The following LONRF1 variants were observed in gnomAD, a reference collection of about 807,000 sequenced individuals.
LONRF1 encodes the protein LON peptidase N-terminal domain and ring finger 1, also known as LON peptidase N-terminal domain and RING finger protein 1.
A neutral mutation model predicts 85.8 loss-of-function variants in LONRF1; 37 were observed. That is an observed-to-expected ratio of 0.43 (90% CI 0.33 to 0.57). The LOEUF (loss-of-function observed/expected upper bound fraction) is 0.57. Ranked by LOEUF, LONRF1 falls within the 20% of genes least tolerant of loss-of-function variation. The pLI, the probability that LONRF1 is intolerant of heterozygous loss-of-function variation, is 0.04. For missense variants in LONRF1, 1,036 were observed against 978.0 expected (o/e 1.06, Z -0.79); for synonymous variants, 517 against 390.1 (o/e 1.33, Z -3.83).
rs1452850863 is a variant in LONRF1 at position 12,722,824 on chromosome 8, C to A, written c.*272G>T. On this transcript the variant is annotated 3_prime_UTR_variant, in exon 12 of 12. Coordinates refer to ENST00000398246, the MANE Select transcript of LONRF1 (RefSeq NM_152271.5). ...CACTCTCTCACAGACATAAAGAGTT[C>A]TTATTTCATTTTAGAGTATGGTACA... The A allele has an allele frequency of 6.9e-6, 2 of 288,904 alleles. No homozygotes were observed. Among genetic ancestry groups the A allele is most frequent in the Non-Finnish European group, 1.3e-5 (2 of 152,988 alleles). 17.9% of individuals were successfully genotyped at this position (288,904 alleles called of 1,614,324 possible). A position where few individuals can be genotyped will look rare whatever the true frequency, so the allele number is the denominator to read the frequency against.
At chr8:12,737,264 G>C (rs755581725) in intron 4 of LONRF1, 124 bp from the exon 5 acceptor site, 2 of 1,152,338 alleles carry the variant, frequency 1.7e-6, no homozygotes, top group South Asian at 1.3e-5. Context: ...TCATTTAATA[G>C]CACTAACTTG....
intron 1 of LONRF1, among the ~76,000 whole-genome samples, chr8:12,748,002 T>C (rs755901309): frequency 1.3e-5 from 2 of 152,212 alleles, no homozygotes; most frequent in Admixed American, 6.5e-5. Flanking sequence ...TTTTTTCCCA[T>C]GTAATACTAG....
Position 12,723,225 on chromosome 8 carries a change from C to G in LONRF1, c.2193G>C (p.Trp731Cys), listed in dbSNP as rs1328863625. ...CTACAGGGAGAACTGCAAGAAGCCACCAACACCATGCAGGTCCATTAGGGG... is the reference window on the plus strand; with the variant it reads ...CTACAGGGAGAACTGCAAGAAGCCAGCAACACCATGCAGGTCCATTAGGGG... ...QAAPNGPAWC[W>C]WLLAVLPVDP... Residue 731 changes from tryptophan to cysteine, a missense_variant, in exon 12 of 12, where the codon TGG becomes TGC. Trp to Cys is a radical substitution (Grantham distance 215). This residue lies in a region of LONRF1 where 265 missense variants were observed against 301.5 expected (regional missense o/e 0.88). Transcript: ENST00000398246. 6.2e-7 allele frequency: 1 copy of G among 1,613,770 alleles called. No homozygotes were observed. The highest frequency in any genetic ancestry group is 8.5e-7 in the Non-Finnish European group (1 of 1,179,854).
In LONRF1 at chr8:12,744,431, C is replaced by T. The variant is rs144652817; in HGVS notation, c.722-1149G>A. Among the ~76,000 whole-genome samples the T allele has an allele frequency of 3.6e-4, 55 of 152,184 alleles. 2 individuals are homozygous for T. The East Asian group carries it at 9.9e-3, about 27-fold the overall frequency. ...AAAAGACATGTCTAGAATATTGTGTCTTGTGCTTCTTAAAGCAATGAAAAA... is the reference window on the plus strand; with the variant it reads ...AAAAGACATGTCTAGAATATTGTGTTTTGTGCTTCTTAAAGCAATGAAAAA... On this transcript the variant is annotated intron_variant, in intron 1 of 11. Coordinates refer to ENST00000398246, the MANE Select transcript of LONRF1 (RefSeq NM_152271.5).
chr8:12,731,181 A>G (rs926696033), intron 8 of LONRF1, among the ~76,000 whole-genome samples: 1 of 152,060 alleles, frequency 6.6e-6, no homozygotes, highest in Non-Finnish European at 1.5e-5. Context: ...GGCCTGCCTT[A>G]CCGAATCCCA....
intron 3 of LONRF1, among the ~76,000 whole-genome samples, chr8:12,739,886 T>C (rs1396852385): frequency 1.3e-5 from 2 of 152,192 alleles, no homozygotes; most frequent in African/African-American, 4.8e-5. Flanking sequence ...GGCTAGAATG[T>C]ATATACAAAC....
chr8:12,730,146 G>A (rs1211668117), intron 8 of LONRF1, among the ~76,000 whole-genome samples: 2 of 152,200 alleles, frequency 1.3e-5, no homozygotes. Context: ...GAGGAGACTA[G>A]TAAGATCAAT....
intron 7 of LONRF1, among the ~76,000 whole-genome samples, chr8:12,732,721 T>C (rs928500329): frequency 2.6e-5 from 4 of 152,212 alleles, no homozygotes; most frequent in Non-Finnish European, 5.9e-5. Context: ...ATAGTAGGCA[T>C]TGTAGCGTGT....
At chr8:12,730,272 A>G (rs1178930888) in intron 8 of LONRF1, among the ~76,000 whole-genome samples, 1 of 152,228 alleles carries the variant, frequency 6.6e-6, no homozygotes, top group Non-Finnish European at 1.5e-5. Flanking sequence ...ACTGATCATG[A>G]ATAACATGAT....
Position 12,754,951 on chromosome 8 carries a change from A to C in LONRF1, c.470T>G (p.Leu157Arg). Reference sequence around the variant, plus strand: ...GGCGGGCGGCAGCCGGTCCCGGCAGAGGCGGCAGCGGGCGCGGAGTTCCCT... The same window carrying C: ...GGCGGGCGGCAGCCGGTCCCGGCAGCGGCGGCAGCGGGCGCGGAGTTCCCT... ...LRRELRARCR[L>R]CRDRLPPATA... The change falls in exon 1 of 12, where the codon CTC (leucine) becomes CGC (arginine). Residue 157 changes from leucine to arginine, a missense_variant. Around this residue, in one of 3 missense-constraint regions of LONRF1, gnomAD observed 742 missense variants for 614.4 expected, o/e 1.21. Transcript: ENST00000398246. The C allele has an allele frequency of 6.7e-7, 1 of 1,490,648 alleles. No individual in the cohort carries two copies. Among genetic ancestry groups the C allele is most frequent in the Non-Finnish European group, 8.9e-7 (1 of 1,125,326 alleles). 92.3% of individuals were successfully genotyped at this position (1,490,648 alleles called of 1,614,324 possible).
chr8:12,737,472 A>T (rs1192474157), intron 4 of LONRF1: 4 of 413,588 alleles, frequency 9.7e-6, no homozygotes, highest in Non-Finnish European at 1.8e-5. Flanking sequence ...TTTACATTGT[A>T]TTAGGTATTA....
intron 1 of LONRF1, 45 bp downstream of exon 1, chr8:12,754,655 G>A: frequency 1.5e-6 from 2 of 1,295,632 alleles, no homozygotes; most frequent in Non-Finnish European, 9.7e-7. Context: ...CTCGGGGCCA[G>A]GAGGGTGCGG....
At chr8:12,732,903 T>G (rs74984788) in intron 7 of LONRF1, among the ~76,000 whole-genome samples, 3,352 of 152,314 alleles carry the variant, frequency 0.022, 73 homozygotes, top group South Asian at 0.12. Flanking sequence ...TATCACAAGA[T>G]GAAGCCATCC....
Position 12,736,761 on chromosome 8 carries a change from T to A in LONRF1, c.1391A>T (p.Tyr464Phe), listed in dbSNP as rs753609881. The A allele has an allele frequency of 6.2e-7, 1 of 1,611,778 alleles. No individual in the cohort carries two copies. Among genetic ancestry groups the A allele is most frequent in the South Asian group, 1.1e-5 (1 of 90,584 alleles). ...GATTAATTCTTCTGGAATATCACCA[T>A]AAGCTAAGGAAAACATACAGACTTC... Reference protein sequence around the residue: ...PNEVCMFSLAYGDIPEELIDV... With the variant: ...PNEVCMFSLAFGDIPEELIDV... The change falls in exon 6 of 12, where the codon TAT becomes TTT. Residue 464 changes from tyrosine (Y) to phenylalanine (F), a missense_variant. By Grantham distance (22) the Tyr-to-Phe change is conservative. Transcript: ENST00000398246.
chr8:12,730,105 G>T (rs1163270951), intron 8 of LONRF1, among the ~76,000 whole-genome samples: 1 of 152,196 alleles, frequency 6.6e-6, no homozygotes, highest in Non-Finnish European at 1.5e-5. Flanking sequence ...CTGTAGCAAT[G>T]TGGATAGTAA....
At chr8:12,743,385 G>A in intron 1 of LONRF1, 103 bp from the exon 2 acceptor site, 1 of 760,604 alleles carries the variant, frequency 1.3e-6, no homozygotes. Context: ...GTGATTCCAG[G>A]GTTAATAATC....
At chr8:12,739,226 C>G (rs776789624) in intron 3 of LONRF1, among the ~76,000 whole-genome samples, 1 of 149,906 alleles carries the variant, frequency 6.7e-6, no homozygotes, top group Non-Finnish European at 1.5e-5. Flanking sequence ...ATACTGGAAA[C>G]AATCCAAATG....
At chr8:12,733,171 G>A (rs1418802297) in intron 7 of LONRF1, among the ~76,000 whole-genome samples, 1 of 152,052 alleles carries the variant, frequency 6.6e-6, no homozygotes, top group Non-Finnish European at 1.5e-5. Context: ...GCCTTGGGCA[G>A]GTAGTATATA....
At chr8:12,735,725 T>A (rs1290193806) in intron 6 of LONRF1, 1 of 193,288 alleles carries the variant, frequency 5.2e-6, no homozygotes, top group South Asian at 1.8e-4. Context: ...GAATGTAAAA[T>A]ACATACCAGA....
Sources: gnomAD v4.1 joint callset for allele counts (sites outside exome capture counted in the v4.1 genomes callset) on GRCh38, gnomAD v4.1.1 for gene constraint, gnomAD v4.1.1 regional missense constraint, MANE v1.5 for transcripts, NCBI Gene and HGNC (gene_info 2026-07-23, HGNC 2026-07-21) for gene names.